The following NUP62 variants were observed in gnomAD, a reference collection of about 807,000 sequenced individuals.
NUP62 encodes nuclear pore glycoprotein p62.
For missense variants in NUP62, 647 were observed against 689.4 expected (o/e 0.94, Z 0.69); for synonymous variants, 305 against 303.4 (o/e 1.01, Z -0.05).
chr19:49,914,864 C>T (rs1271283601), intron 2 of NUP62, among the ~76,000 whole-genome samples: 2 of 151,098 alleles, frequency 1.3e-5, no homozygotes, highest in African/African-American at 4.9e-5. Flanking sequence ...CTCAGCCTCC[C>T]GAGTAGCTGG....
chr19:49,914,726 G>GTTTTTTTTTTTTTTTTTTT lies in NUP62; in HGVS notation c.-77-4861_-77-4843dup, dbSNP rs530372497. Among the ~76,000 whole-genome samples the GTTTTTTTTTTTTTTTTTTT allele has an allele frequency of 8.9e-5, 5 of 56,404 alleles. 1 individual carries two copies. Among genetic ancestry groups the GTTTTTTTTTTTTTTTTTTT allele is most frequent in the Admixed American group, 8.4e-4 (3 of 3,586 alleles). 37.0% of individuals were successfully genotyped at this position (56,404 alleles called of 152,430 possible). ...GATTCTTGTGCCACTCCAAGTCCCA[G>GTTTTTTTTTTTTTTTTTTT]TTTTTTTTTTTTTTTTTTTTTTTTT... On this transcript the variant is annotated intron_variant, in intron 2 of 2. Transcript: ENST00000352066.
At chr19:49,914,539 G>A (rs2075568489) in intron 2 of NUP62, among the ~76,000 whole-genome samples, 1 of 152,008 alleles carries the variant, frequency 6.6e-6, no homozygotes, top group Admixed American at 6.6e-5. Context: ...AAACAACACG[G>A]CCGCCTTCAC....
At chr19:49,925,068 C>T (rs1432890382) in intron 2 of NUP62, among the ~76,000 whole-genome samples, 1 of 152,010 alleles carries the variant, frequency 6.6e-6, no homozygotes, top group Non-Finnish European at 1.5e-5. Context: ...TCGAGACCAG[C>T]CTGACCAACA....
In NUP62 at chr19:49,921,911, TC is replaced by T. The variant is rs769675353; in HGVS notation, c.-78+5782del. ...TCTGGACACAGCGGTGGCTCTCACC[TC>T]CCTTCCATCTTGGCAGGATGAGTGC... is the stretch of plus-strand genomic sequence containing the variant. On this transcript the variant is annotated intron_variant, in intron 2 of 2. Transcript: ENST00000352066. The surrounding 1 kb of genome is among the most constrained non-coding windows in gnomAD (Gnocchi z 5.4). 3.9e-5 allele frequency among the ~76,000 whole-genome samples: 6 copies of T among 152,220 alleles called. No individual in the cohort carries two copies. Among genetic ancestry groups the T allele is most frequent in the Non-Finnish European group, 8.8e-5 (6 of 68,000 alleles).
intron 2 of NUP62, among the ~76,000 whole-genome samples, chr19:49,916,794 T>C (rs994447064): frequency 1.1e-4 from 16 of 152,100 alleles, no homozygotes; most frequent in Admixed American, 2.6e-4. Flanking sequence ...TAGCCTGGCA[T>C]GGTGGCGTGT....
chr19:49,921,114 G>A lies in NUP62; in HGVS notation c.-78+6580C>T, dbSNP rs372661061. Among the ~76,000 whole-genome samples, 11 of 152,216 alleles carry A rather than the reference G, an allele frequency of 7.2e-5. No individual in the cohort carries two copies. In the East Asian group the frequency reaches 7.7e-4, roughly 11 times the overall value. ...ACCCACATTTCATGGCATTTCTCAC[G>A]CGCTGGGCTGTTTCCAGGGCTTCAC... is the stretch of plus-strand genomic sequence containing the variant. On this transcript the variant is annotated intron_variant, in intron 2 of 2. Coordinates refer to ENST00000352066, the MANE Select transcript of NUP62 (RefSeq NM_016553.5). This position sits in a 1 kb window ranked among gnomAD's most constrained non-coding sequence, Gnocchi z 5.4.
At chr19:49,914,640 A>ACCC (rs935649605) in intron 2 of NUP62, among the ~76,000 whole-genome samples, 1 of 149,766 alleles carries the variant, frequency 6.7e-6, no homozygotes, top group Admixed American at 6.7e-5. Flanking sequence ...ATCTGTGAGA[A>ACCC]CCAGGGTTCT....
intron 2 of NUP62, among the ~76,000 whole-genome samples, chr19:49,922,318 G>A (rs2075784961): frequency 6.6e-6 from 1 of 152,094 alleles, no homozygotes; most frequent in Non-Finnish European, 1.5e-5. Context: ...TCTGGCTGGG[G>A]GCATGGGGAT....
chr19:49,914,764 G>C (rs1356488636), intron 2 of NUP62, among the ~76,000 whole-genome samples: 1 of 76,994 alleles, frequency 1.3e-5, no homozygotes, highest in Non-Finnish European at 2.4e-5. Context: ...TTTTGAGATG[G>C]AGTCTTGCTC....
chr19:49,908,684 A>C lies in NUP62; in HGVS notation c.1124T>G (p.Leu375Arg), dbSNP rs1173658036. The C allele has an allele frequency of 6.2e-7, 1 of 1,612,094 alleles. No individual in the cohort carries two copies. The highest frequency in any genetic ancestry group is 1.7e-5 in the Admixed American group (1 of 60,020). The change falls in exon 3 of 3, where the codon CTG (leucine) becomes CGG (arginine). Residue 375 changes from leucine (L) to arginine (R), a missense_variant. By Grantham distance (102) the Leu-to-Arg change is moderately radical (BLOSUM62 -2). Coordinates refer to ENST00000352066, the MANE Select transcript of NUP62 (RefSeq NM_016553.5). ...CTTCACCTTCTCCACCTCGCGGTGC[A>C]GGCTGGTGATCTTTTCTCCATTCTC... ...LIENGEKITS[L>R]HREVEKVKLD... is the part of the protein sequence containing the mutation.
intron 2 of NUP62, among the ~76,000 whole-genome samples, chr19:49,914,576 G>A (rs534080871): frequency 1.3e-5 from 2 of 152,136 alleles, no homozygotes; most frequent in Non-Finnish European, 1.5e-5. Flanking sequence ...AGGAAGACCC[G>A]CTTGGGATTC....
chr19:49,913,452 C>T (rs749249583), intron 2 of NUP62, among the ~76,000 whole-genome samples: 1 of 152,194 alleles, frequency 6.6e-6, no homozygotes, highest in African/African-American at 2.4e-5. Flanking sequence ...CATACAGTAT[C>T]AGCACGACCT....
Position 49,909,019 on chromosome 19 carries a change from T to C in NUP62, c.789A>G (p.Ala263=). The change falls in exon 3 of 3, where the codon GCA becomes GCG. Residue 263 remains alanine (A), a synonymous_variant. Transcript: ENST00000352066. ...TQGFSLKAPG[A]ASGTSTTTST... Reference sequence around the variant, plus strand: ...ATGTTGTTGTGGAGGTGCCGGAAGCTGCTCCAGGTGCCTTTAAGCTGAAGC... The same window carrying C: ...ATGTTGTTGTGGAGGTGCCGGAAGCCGCTCCAGGTGCCTTTAAGCTGAAGC... 6.2e-7 allele frequency: 1 copy of C among 1,612,808 alleles called. No individual in the cohort carries two copies. Among genetic ancestry groups the C allele is most frequent in the Non-Finnish European group, 8.5e-7 (1 of 1,179,628 alleles).
Position 49,921,218 on chromosome 19 carries a change from C to G in NUP62, c.-78+6476G>C, listed in dbSNP as rs193289200. Among the ~76,000 whole-genome samples the G allele has an allele frequency of 4.5e-4, 69 of 152,262 alleles. No homozygotes were observed. Among genetic ancestry groups the G allele is most frequent in the Non-Finnish European group, 9.0e-4 (61 of 68,016 alleles). On this transcript the variant is annotated intron_variant, in intron 2 of 2. Transcript: ENST00000352066. This position sits in a 1 kb window ranked among gnomAD's most constrained non-coding sequence, Gnocchi z 5.4. ...TGGCTCCCATTTATAAATGAGCAAACTGAGAAAGGGGAGAGGACTTCAGTC... is the reference window on the plus strand; with the variant it reads ...TGGCTCCCATTTATAAATGAGCAAAGTGAGAAAGGGGAGAGGACTTCAGTC...
At chr19:49,916,693 G>A (rs997978247) in intron 2 of NUP62, among the ~76,000 whole-genome samples, 4 of 151,384 alleles carry the variant, frequency 2.6e-5, no homozygotes, top group African/African-American at 9.7e-5. Flanking sequence ...CAACCCGGGA[G>A]GCGGAGCTTG....
In NUP62 at chr19:49,909,706, G is replaced by A. The variant is rs773485886; in HGVS notation, c.102C>T (p.Phe34=). 13 of 1,614,056 alleles carry A rather than the reference G, an allele frequency of 8.1e-6. No individual in the cohort carries two copies. In the African/African-American group the frequency reaches 1.3e-4, roughly 17 times the overall value. The stretch of plus-strand genomic sequence containing the variant: ...TAAACCCTCCAGTGCCAGAGGTGGA[G>A]AAAGAAAACCCTGTAGCAGGTGTGG... ...ATTTPATGFS[F]STSGTGGFNF... The change falls in exon 3 of 3, where the codon TTC becomes TTT. Residue 34 remains phenylalanine (F), a synonymous_variant. Transcript: ENST00000352066.
chr19:49,917,284 C>T (rs560834795), intron 2 of NUP62, among the ~76,000 whole-genome samples: 3 of 152,236 alleles, frequency 2.0e-5, no homozygotes, highest in Non-Finnish European at 4.4e-5. Flanking sequence ...CCGTGGGAAC[C>T]TCTGGCCAGG....
chr19:49,927,130 G>A (rs2075914631), intron 2 of NUP62, among the ~76,000 whole-genome samples: 2 of 152,194 alleles, frequency 1.3e-5, no homozygotes, highest in African/African-American at 4.8e-5. Flanking sequence ...CAGGGTGGTG[G>A]GACTACAGGC....
chr19:49,913,875 C>A (rs560599127), intron 2 of NUP62, among the ~76,000 whole-genome samples: 10 of 152,066 alleles, frequency 6.6e-5, no homozygotes, highest in Non-Finnish European at 1.0e-4. Flanking sequence ...GAGCCACAGG[C>A]GGACTTTATG....
Sources: allele counts gnomAD v4.1 joint callset (sites outside exome capture counted in the v4.1 genomes callset), GRCh38; gene constraint gnomAD v4.1.1; non-coding constraint Gnocchi (gnomAD v3.1); transcripts MANE v1.5; gene names NCBI Gene and HGNC (gene_info 2026-07-23, HGNC 2026-07-21).